The following PECR variants were observed in gnomAD, a reference collection of about 807,000 sequenced individuals.
The protein encoded by PECR is 2,4-dienoyl-CoA reductase-related protein.
PECR carries 30 observed loss-of-function variants against 35.3 expected under a neutral mutation model. The ratio of observed to expected loss-of-function variants is 0.85; its 90% CI spans 0.64 to 1.15. The LOEUF (loss-of-function observed/expected upper bound fraction) is 1.15. Among genes scored for constraint, PECR ranks in the 50% most tolerant of loss-of-function variants. PECR has a pLI of 0.00. For synonymous variants in PECR, 148 were observed against 138.9 expected (o/e 1.07, Z -0.46); for missense variants, 392 against 370.8 (o/e 1.06, Z -0.47).
intron 7 of PECR, among the ~76,000 whole-genome samples, chr2:216,040,411 C>T (rs1350736369): frequency 1.3e-5 from 2 of 152,124 alleles, no homozygotes; most frequent in African/African-American, 4.8e-5. Flanking sequence ...TGCCACCATG[C>T]CAGGCTAATT....
chr2:216,035,109 C>A (rs995259023), downstream of PECR, among the ~76,000 whole-genome samples: 2 of 152,204 alleles, frequency 1.3e-5, no homozygotes, highest in African/African-American at 4.8e-5. Context: ...TGTAATTGCT[C>A]CTCTGTTCTG....
chr2:216,042,905 C>A (rs1046050818), intron 7 of PECR, among the ~76,000 whole-genome samples: 1 of 148,678 alleles, frequency 6.7e-6, no homozygotes, highest in Non-Finnish European at 1.5e-5. Context: ...TACAGGTGCC[C>A]GCCACCACAC....
intron 1 of PECR, among the ~76,000 whole-genome samples, chr2:216,070,377 CT>C (rs1157275929): frequency 6.6e-6 from 1 of 152,228 alleles, no homozygotes; most frequent in Non-Finnish European, 1.5e-5. Flanking sequence ...AGCCATCATG[CT>C]GTGCAATAGA....
intron 7 of PECR, among the ~76,000 whole-genome samples, chr2:216,029,102 CTTTA>C (rs150371337): frequency 0.013 from 1,956 of 151,968 alleles, 32 homozygotes; most frequent in African/African-American, 0.043. Flanking sequence ...TTATATTCAT[CTTTA>C]TTTATTTATT....
chr2:216,047,843 T>C (rs1366177145), intron 6 of PECR, among the ~76,000 whole-genome samples: 1 of 152,178 alleles, frequency 6.6e-6, no homozygotes, highest in African/African-American at 2.4e-5. Context: ...TTAATAAAAT[T>C]GGTTCTCCCC....
intron 7 of PECR, among the ~76,000 whole-genome samples, chr2:216,043,032 T>C (rs972950805): frequency 2.7e-4 from 35 of 127,906 alleles, no homozygotes; most frequent in Admixed American, 6.4e-4. Context: ...TACGTATATA[T>C]GTATGTGTAT....
chr2:216,029,887 A>G (rs1381605571), intron 7 of PECR, among the ~76,000 whole-genome samples: 1 of 152,216 alleles, frequency 6.6e-6, no homozygotes, highest in Admixed American at 6.5e-5. Flanking sequence ...TGTGCATGCC[A>G]AGCAAACCAA....
chr2:216,042,577 T>C (rs1694905912), intron 7 of PECR, among the ~76,000 whole-genome samples: 1 of 152,190 alleles, frequency 6.6e-6, no homozygotes, highest in African/African-American at 2.4e-5. Flanking sequence ...TTAGAGTTAT[T>C]AGCTTAGATA....
intron 3 of PECR, among the ~76,000 whole-genome samples, chr2:216,064,870 C>T (rs1461814804): frequency 2.0e-5 from 3 of 152,136 alleles, no homozygotes; most frequent in African/African-American, 7.2e-5. Context: ...ACTAACCACC[C>T]ACGAAACATG....
intron 7 of PECR, among the ~76,000 whole-genome samples, chr2:216,029,662 C>T (rs1694649768): frequency 6.6e-6 from 1 of 152,232 alleles, no homozygotes; most frequent in Non-Finnish European, 1.5e-5. Flanking sequence ...TGCTCACAAA[C>T]TCGCCAGAAG....
chr2:216,031,691 G>GAA (rs1473248845), intron 7 of PECR, among the ~76,000 whole-genome samples: 3,817 of 60,822 alleles, frequency 0.063, 120 homozygotes, highest in African/African-American at 0.17. Flanking sequence ...AAGAAAGAAA[G>GAA]AGAAAGAAAG....
At chr2:216,037,203 T>C (rs1336262889), downstream of PECR, among the ~76,000 whole-genome samples, 2 of 152,250 alleles carry the variant, frequency 1.3e-5, no homozygotes, top group African/African-American at 4.8e-5. Context: ...GATACTATTA[T>C]GATGTACATA....
chr2:216,052,196 G>T (rs1295354230), intron 4 of PECR, among the ~76,000 whole-genome samples: 7 of 152,028 alleles, frequency 4.6e-5, no homozygotes, highest in Admixed American at 6.6e-5. Flanking sequence ...AAAAATAAAT[G>T]AAGTATGGGG....
intron 2 of PECR, 96 bp downstream of exon 2, chr2:216,066,289 C>T (rs1695463992): frequency 2.9e-6 from 3 of 1,023,106 alleles, no homozygotes; most frequent in Admixed American, 3.4e-5. Context: ...TCATCTAAGA[C>T]AGCTACAATA....
chr2:216,041,301 G>A (rs1694882408), intron 7 of PECR, among the ~76,000 whole-genome samples: 1 of 152,190 alleles, frequency 6.6e-6, no homozygotes, highest in Admixed American at 6.5e-5. Flanking sequence ...AATAGTGACT[G>A]AAGTCTACTG....
At chr2:216,080,446 ATTTTT>A (rs1695814538) in intron 1 of PECR, among the ~76,000 whole-genome samples, 1 of 152,188 alleles carries the variant, frequency 6.6e-6, no homozygotes, top group African/African-American at 2.4e-5. Context: ...CTTATATTGG[ATTTTT>A]AGGTAATTTC....
downstream of PECR, chr2:216,034,044 A>T (rs1477922691): frequency 1.3e-5 from 2 of 152,170 alleles, no homozygotes; most frequent in African/African-American, 4.8e-5. Context: ...AAATCCTTGT[A>T]AACAAGGAGT....
At chr2:216,059,063 T>C (rs1435156317) in intron 3 of PECR, 87 bp from the exon 4 acceptor site, 2 of 810,324 alleles carry the variant, frequency 2.5e-6, no homozygotes, top group African/African-American at 1.7e-5. Context: ...GCCTGTTTGA[T>C]ATGTTTTACA....
chr2:216,042,842 C>T (rs954154493), intron 7 of PECR, among the ~76,000 whole-genome samples: 7 of 151,516 alleles, frequency 4.6e-5, no homozygotes, highest in East Asian at 1.9e-4. Context: ...CTGCAATCTC[C>T]GCCTCCTGGG....
Sources: allele counts gnomAD v4.1 joint callset (sites outside exome capture counted in the v4.1 genomes callset), GRCh38; gene constraint gnomAD v4.1.1; transcripts MANE v1.5; gene names NCBI Gene and HGNC (gene_info 2026-07-23, HGNC 2026-07-21).